The following SDK1 variants were observed in gnomAD, a reference collection of about 807,000 sequenced individuals.
The protein encoded by SDK1 is sidekick cell adhesion molecule 1, also known as protein sidekick-1.
In SDK1, 157 loss-of-function variants were observed where a neutral mutation model predicts 245.5. The ratio of observed to expected loss-of-function variants is 0.64; its 90% CI spans 0.56 to 0.73. SDK1 has a LOEUF of 0.73. Ranked by LOEUF, SDK1 falls within the 30% of genes least tolerant of loss-of-function variation. The pLI is 0.00. For missense variants in SDK1, 3,583 were observed against 3,002.3 expected, an observed-to-expected ratio of 1.19 and a Z score of -4.52; for synonymous variants, 1,647 against 1,278.5, an observed-to-expected ratio of 1.29 and a Z score of -6.15.
intron 1 of SDK1, among the ~76,000 whole-genome samples, chr7:3,499,631 T>C (rs1782133163): frequency 6.6e-6 from 1 of 152,208 alleles, no homozygotes; most frequent in African/African-American, 2.4e-5. Flanking sequence ...GTTTTAAAAA[T>C]GGAGTAACTT....
intron 1 of SDK1, among the ~76,000 whole-genome samples, chr7:3,522,550 A>T (rs1562537846): frequency 6.8e-6 from 1 of 146,210 alleles, no homozygotes; most frequent in Non-Finnish European, 1.5e-5. Context: ...CCTTCAGCTT[A>T]TTATGGGTCC....
intron 40 of SDK1, among the ~76,000 whole-genome samples, chr7:4,232,569 C>T (rs1785865311): frequency 6.6e-6 from 1 of 151,956 alleles, no homozygotes; most frequent in Non-Finnish European, 1.5e-5. Context: ...CTCAAGCAAT[C>T]CTCCTGCTTC....
intron 16 of SDK1, among the ~76,000 whole-genome samples, chr7:4,013,983 C>T (rs558660427): frequency 8.5e-5 from 13 of 152,384 alleles, no homozygotes; most frequent in East Asian, 7.7e-4. Flanking sequence ...GTGTCCCCGC[C>T]GCCTGCGGCC....
chr7:3,814,574 T>C lies in SDK1; in HGVS notation c.714-6876T>C, dbSNP rs576673936. Among the ~76,000 whole-genome samples the C allele has an allele frequency of 8.7e-3, 1,315 of 151,934 alleles. 16 individuals carry two copies. Among genetic ancestry groups the C allele is most frequent in the African/African-American group, 0.031 (1,267 of 41,428 alleles). ...TGCCTCCAGCTTTGTTCTTTTGGCTTAGGATTGACTTGGTGATGCGGGCTC... is the reference window on the plus strand; with the variant it reads ...TGCCTCCAGCTTTGTTCTTTTGGCTCAGGATTGACTTGGTGATGCGGGCTC... On this transcript the variant is annotated intron_variant, in intron 4 of 44. Coordinates refer to ENST00000404826, the MANE Select transcript of SDK1 (RefSeq NM_152744.4).
intron 5 of SDK1, among the ~76,000 whole-genome samples, chr7:3,936,077 T>C (rs975182586): frequency 6.6e-6 from 1 of 152,254 alleles, no homozygotes; most frequent in Non-Finnish European, 1.5e-5. Flanking sequence ...AAGGACATTC[T>C]GACACATGCT....
chr7:3,349,757 G>A (rs1387523791), intron 1 of SDK1, among the ~76,000 whole-genome samples: 2 of 135,024 alleles, frequency 1.5e-5, no homozygotes, highest in African/African-American at 2.9e-5. Context: ...CTGCCACCAC[G>A]CCTGGTTAAT....
chr7:3,876,325 G>A (rs1781076424), intron 5 of SDK1, among the ~76,000 whole-genome samples: 1 of 152,176 alleles, frequency 6.6e-6, no homozygotes, highest in East Asian at 1.9e-4. Context: ...ACCAGCTAAA[G>A]TTTGCAAAAC....
At chr7:4,238,709 C>T (rs963874988) in intron 42 of SDK1, among the ~76,000 whole-genome samples, 14 of 151,764 alleles carry the variant, frequency 9.2e-5, no homozygotes, top group South Asian at 8.3e-4. Flanking sequence ...TCTCCACGCC[C>T]GGCTAATTTT....
chr7:3,393,729 G>A (rs1337379882), intron 1 of SDK1, among the ~76,000 whole-genome samples: 1 of 152,054 alleles, frequency 6.6e-6, no homozygotes, highest in Non-Finnish European at 1.5e-5. Context: ...AAATTTATCT[G>A]ATAGTATTCT....
chr7:3,403,243 G>A (rs1019803716), intron 1 of SDK1, among the ~76,000 whole-genome samples: 6 of 152,018 alleles, frequency 3.9e-5, no homozygotes, highest in African/African-American at 1.2e-4. Flanking sequence ...CTATACTTCT[G>A]TTTCTTATGA....
intron 1 of SDK1, among the ~76,000 whole-genome samples, chr7:3,367,965 C>G (rs1314053478): frequency 2.0e-5 from 3 of 152,232 alleles, no homozygotes; most frequent in Non-Finnish European, 4.4e-5. Context: ...GAGCTTGACT[C>G]TCTTCCCTGT....
At chr7:3,681,842 A>T (rs929679671) in intron 4 of SDK1, among the ~76,000 whole-genome samples, 5 of 151,966 alleles carry the variant, frequency 3.3e-5, no homozygotes, top group Admixed American at 3.3e-4. Flanking sequence ...GAGGTATAAC[A>T]TTTTTTTCCG....
In SDK1 at chr7:4,026,881, C is replaced by T. The variant is rs893228307; in HGVS notation, c.2602+9529C>T. On this transcript the variant is annotated intron_variant, in intron 17 of 44. Transcript: ENST00000404826. The surrounding 1 kb of genome is among the most constrained non-coding windows in gnomAD (Gnocchi z 4.1). ...TGCGGCCGGTGACTCTACCAGGTAACGAACTCACCGCTCCCTGGTTTCAAA... is the reference window on the plus strand; with the variant it reads ...TGCGGCCGGTGACTCTACCAGGTAATGAACTCACCGCTCCCTGGTTTCAAA... Among the ~76,000 whole-genome samples the T allele has an allele frequency of 3.9e-5, 6 of 152,186 alleles. No homozygotes were observed. Among genetic ancestry groups the T allele is most frequent in the Non-Finnish European group, 7.3e-5 (5 of 68,036 alleles).
At chr7:3,974,601 C>A in intron 13 of SDK1, 56 bp downstream of exon 13, 2 of 1,543,326 alleles carry the variant, frequency 1.3e-6, no homozygotes, top group Non-Finnish European at 1.8e-6. Flanking sequence ...GTTACTGTGC[C>A]CCTGTTAGTG....
At chr7:3,395,424 T>G (rs886870060) in intron 1 of SDK1, among the ~76,000 whole-genome samples, 1 of 151,962 alleles carries the variant, frequency 6.6e-6, no homozygotes, top group African/African-American at 2.4e-5. Context: ...GGTTTGTAGT[T>G]TTCCTTTCTG....
intron 2 of SDK1, among the ~76,000 whole-genome samples, chr7:3,629,079 T>C (rs1359511282): frequency 6.6e-6 from 1 of 150,696 alleles, no homozygotes; most frequent in East Asian, 2.0e-4. Flanking sequence ...GATCACGAGG[T>C]CAGGTGATTG....
intron 5 of SDK1, among the ~76,000 whole-genome samples, chr7:3,884,075 GTTTTTTTGT>G (rs1562512007): frequency 9.3e-4 from 129 of 138,978 alleles, no homozygotes; most frequent in African/African-American, 3.4e-3. Flanking sequence ...TTGTTTGTTT[GTTTTTTTGT>G]TTTTTTTTTT....
At chr7:4,094,039 G>T (rs1185441608) in intron 22 of SDK1, among the ~76,000 whole-genome samples, 1 of 152,022 alleles carries the variant, frequency 6.6e-6, no homozygotes, top group Non-Finnish European at 1.5e-5. Context: ...TGCCTAAACG[G>T]CCAGGGTGGT....
intron 2 of SDK1, among the ~76,000 whole-genome samples, chr7:3,626,126 C>T (rs942750334): frequency 6.8e-6 from 1 of 147,120 alleles, no homozygotes; most frequent in African/African-American, 2.6e-5. Flanking sequence ...TTTTTTTAGA[C>T]ACAGGGTCTT....
Sources: allele counts gnomAD v4.1 joint callset (sites outside exome capture counted in the v4.1 genomes callset), GRCh38; gene constraint gnomAD v4.1.1; non-coding constraint Gnocchi (gnomAD v3.1); transcripts MANE v1.5; gene names NCBI Gene and HGNC (gene_info 2026-07-23, HGNC 2026-07-21).